Variants in PPCDC observed in about 807,000 individuals in gnomAD.
The protein encoded by PPCDC is phosphopantothenoylcysteine decarboxylase.
A neutral mutation model predicts 20.7 loss-of-function variants in PPCDC; 20 were observed. That is an observed-to-expected ratio of 0.97 (90% CI 0.68 to 1.41). The LOEUF is 1.41. PPCDC is among the 40% of genes most tolerant of loss of function. The pLI, the probability that PPCDC is intolerant of heterozygous loss-of-function variation, is 0.00. For missense variants in PPCDC, 246 were observed against 263.8 expected, an observed-to-expected ratio of 0.93 and a Z score of 0.47; for synonymous variants, 88 against 100.3, an observed-to-expected ratio of 0.88 and a Z score of 0.73.
intron 1 of PPCDC, among the ~76,000 whole-genome samples, chr15:75,026,773 C>T (rs2065964780): frequency 6.6e-6 from 1 of 152,114 alleles, no homozygotes. Flanking sequence ...GGAAGGAGAG[C>T]CCCTTACTGC....
Position 75,048,707 on chromosome 15 carries a change from T to C in PPCDC, c.515T>C (p.Val172Ala). 6.2e-7 allele frequency: 1 copy of C among 1,614,074 alleles called. No homozygotes were observed. Among genetic ancestry groups the C allele is most frequent in the Non-Finnish European group, 8.5e-7 (1 of 1,179,934 alleles). The change falls in exon 5 of 6, where the codon GTG (valine) becomes GCG (alanine). Residue 172 changes from valine to alanine, a missense_variant. Physicochemically the swap from Val to Ala is moderately conservative, Grantham distance 64. Around this residue, in one of 2 missense-constraint regions of PPCDC, gnomAD observed 225 missense variants for 222.6 expected, o/e 1.01. Transcript: ENST00000342932. ...ATCCCCTGTGTGGCCAAGAAGCTGG[T>C]GTGCGGAGATGAAGGTGGGTGTCTT... Reference protein sequence around the residue: ...VEIPCVAKKLVCGDEGLGAMA... With the variant: ...VEIPCVAKKLACGDEGLGAMA...
At position 75,049,213 on chromosome 15, in the gene PPCDC, A is replaced by G. The variant is rs746342746; in HGVS notation, c.593A>G (p.His198Arg). ...VDKVKEVLFQ[H>R]SGFQQS ...AAAGTGAAAGAAGTCCTCTTCCAGC[A>G]CAGTGGCTTCCAGCAGAGTTGACCT... Residue 198 changes from histidine (H) to arginine (R), a missense_variant, in exon 6 of 6, where the codon CAC (histidine) becomes CGC (arginine). His to Arg is a conservative substitution (Grantham distance 29). Coordinates refer to ENST00000342932, the MANE Select transcript of PPCDC (RefSeq NM_021823.5). 4 of 1,614,220 alleles carry G rather than the reference A, an allele frequency of 2.5e-6. No individual in the cohort carries two copies. The highest frequency in any genetic ancestry group is 3.4e-6 in the Non-Finnish European group (4 of 1,180,020).
At chr15:75,035,638 A>G (rs1455120819) in intron 2 of PPCDC, among the ~76,000 whole-genome samples, 2 of 152,206 alleles carry the variant, frequency 1.3e-5, no homozygotes, top group Non-Finnish European at 2.9e-5. Flanking sequence ...CACATACACA[A>G]AGAGATTTAG....
chr15:75,041,103 C>T (rs1595908454), intron 2 of PPCDC, among the ~76,000 whole-genome samples: 2 of 152,210 alleles, frequency 1.3e-5, no homozygotes, highest in Middle Eastern at 6.8e-3. Flanking sequence ...CTTATTGTGC[C>T]CTCTTCTTTA....
In PPCDC at chr15:75,048,484, G is replaced by T. The variant is rs1185248899; in HGVS notation, c.361-69G>T. ...CTACAGCTGGGCTGCTGGCTGCAGG[G>T]TCTGGAGGGCGGTGGGGAGGGTGGC... On this transcript the variant is annotated intron_variant, in intron 4 of 5. Coordinates refer to ENST00000342932, the MANE Select transcript of PPCDC (RefSeq NM_021823.5). The T allele has an allele frequency of 1.9e-6, 3 of 1,565,906 alleles. No individual in the cohort carries two copies. In the East Asian group the frequency reaches 6.7e-5, roughly 35 times the overall value.
At chr15:75,045,245 A>G (rs534588302) in intron 4 of PPCDC, 1 of 153,108 alleles carries the variant, frequency 6.5e-6, no homozygotes, top group African/African-American at 2.4e-5. Context: ...TTCGCCTACC[A>G]CGTACTGTAC....
chr15:75,047,493 T>A lies in PPCDC; in HGVS notation c.361-1060T>A, dbSNP rs2066252324. Among the ~76,000 whole-genome samples the A allele has an allele frequency of 2.0e-5, 3 of 152,088 alleles. No homozygotes were observed. In the South Asian group the frequency reaches 6.2e-4, roughly 32 times the overall value. The stretch of plus-strand genomic sequence containing the variant: ...GATGAGCTTCCCTTCAGGGGAGGGG[T>A]TTCCAGCCTGTTACCCTGAGGAGCT... On this transcript the variant is annotated intron_variant, in intron 4 of 5. Transcript: ENST00000342932.
intron 2 of PPCDC, among the ~76,000 whole-genome samples, chr15:75,032,502 A>G (rs1024932834): frequency 1.3e-5 from 2 of 152,216 alleles, no homozygotes; most frequent in Non-Finnish European, 2.9e-5. Context: ...TTACAAAGTG[A>G]AAGGATGTCC....
intron 4 of PPCDC, among the ~76,000 whole-genome samples, chr15:75,047,840 C>T (rs1035867703): frequency 2.6e-5 from 4 of 152,222 alleles, no homozygotes; most frequent in East Asian, 3.8e-4. Context: ...CTCAGGGCTA[C>T]GTAATTTCAA....
rs2065946675 is a variant in PPCDC, at chr15:75,025,158, C to T, written c.-73+1532C>T. On this transcript the variant is annotated intron_variant, in intron 1 of 5. Coordinates refer to ENST00000342932, the MANE Select transcript of PPCDC (RefSeq NM_021823.5). ...CGAGTACCTGGGTTTGCTCAATCCT[C>T]CCACCTTGCCCTCTTAAATTGCTGG... Among the ~76,000 whole-genome samples the T allele has an allele frequency of 2.0e-5, 3 of 152,294 alleles. No homozygotes were observed. In the South Asian group the frequency reaches 6.2e-4, roughly 32 times the overall value.
rs184945041 is a variant in PPCDC at position 75,033,512 on chromosome 15, T to C, written c.135+5059T>C. Among the ~76,000 whole-genome samples, 819 of 149,282 alleles carry C rather than the reference T, an allele frequency of 5.5e-3. 6 individuals carry two copies. The highest frequency in any genetic ancestry group is 0.019 in the African/African-American group (787 of 41,254). On this transcript the variant is annotated intron_variant, in intron 2 of 5. Coordinates refer to ENST00000342932, the MANE Select transcript of PPCDC (RefSeq NM_021823.5). ...TAACCTATGTGTATATTTGTGTGTG[T>C]GTGTTTTTTTGTTTGTTTGTTTGTT...
At chr15:75,033,214 A>G (rs1050167479) in intron 2 of PPCDC, among the ~76,000 whole-genome samples, 2 of 152,244 alleles carry the variant, frequency 1.3e-5, no homozygotes, top group Non-Finnish European at 2.9e-5. Context: ...ATTGGAACAC[A>G]GCCATACCCA....
At chr15:75,028,049 A>G (rs1365571850) in intron 1 of PPCDC, 198 bp from the exon 2 acceptor site, 3 of 448,126 alleles carry the variant, frequency 6.7e-6, no homozygotes, top group Non-Finnish European at 1.2e-5. Flanking sequence ...CCTTCCCCAC[A>G]GCACTGCATC....
At chr15:75,040,763 G>A (rs1324161919) in intron 2 of PPCDC, among the ~76,000 whole-genome samples, 2 of 152,014 alleles carry the variant, frequency 1.3e-5, no homozygotes, top group African/African-American at 4.8e-5. Flanking sequence ...CAGGCTCAAG[G>A]GCTCCGCCCA....
chr15:75,032,946 G>C (rs1009939240), intron 2 of PPCDC, among the ~76,000 whole-genome samples: 1 of 151,984 alleles, frequency 6.6e-6, no homozygotes, highest in Admixed American at 6.6e-5. Flanking sequence ...GACTGCAGGC[G>C]TGCCATCACA....
intron 2 of PPCDC, among the ~76,000 whole-genome samples, chr15:75,028,658 T>C (rs2065986220): frequency 6.6e-6 from 1 of 152,080 alleles, no homozygotes; most frequent in Non-Finnish European, 1.5e-5. Context: ...CTAGATTAGA[T>C]AGTACAGACA....
At position 75,044,345 on chromosome 15, in the gene PPCDC, CT is replaced by C. The variant is rs2141497741; in HGVS notation, c.232-40del. On this transcript the variant is annotated intron_variant, in intron 3 of 5. Transcript: ENST00000342932. Reference sequence around the variant, plus strand: ...ACCTGGCCTGCCTTGGCGCTGCATCCTGCTTCCTCCACACTGACCCCTTTTT... The same window carrying C: ...ACCTGGCCTGCCTTGGCGCTGCATCCGCTTCCTCCACACTGACCCCTTTTT... The C allele has an allele frequency of 2.5e-6, 4 of 1,608,148 alleles. No homozygotes were observed. In the East Asian group the frequency reaches 8.9e-5, roughly 36 times the overall value.
chr15:75,023,936 G>A (rs111772470), intron 1 of PPCDC, among the ~76,000 whole-genome samples: 3 of 152,256 alleles, frequency 2.0e-5, no homozygotes, highest in African/African-American at 4.8e-5. Flanking sequence ...GTCCAGTGTC[G>A]TTTAATCTAG....
At position 75,048,679 on chromosome 15, in the gene PPCDC, G is replaced by A. The variant is rs773740841; in HGVS notation, c.487G>A (p.Glu163Lys). Residue 163 changes from glutamate (E) to lysine (K), a missense_variant, in exon 5 of 6, where the codon GAG becomes AAG. Around this residue, in one of 2 missense-constraint regions of PPCDC, gnomAD observed 225 missense variants for 222.6 expected, o/e 1.01. Coordinates refer to ENST00000342932, the MANE Select transcript of PPCDC (RefSeq NM_021823.5). ...CCAGCTCAAGGCCTTTGGCTATGTCGAGATCCCCTGTGTGGCCAAGAAGCT... is the reference window on the plus strand; with the variant it reads ...CCAGCTCAAGGCCTTTGGCTATGTCAAGATCCCCTGTGTGGCCAAGAAGCT... ...VDQLKAFGYV[E>K]IPCVAKKLVC... The A allele has an allele frequency of 6.2e-6, 10 of 1,614,208 alleles. No individual in the cohort carries two copies. Among genetic ancestry groups the A allele is most frequent in the East Asian group, 2.2e-5 (1 of 44,890 alleles).
Sources: gnomAD v4.1 joint callset for allele counts (sites outside exome capture counted in the v4.1 genomes callset) on GRCh38, gnomAD v4.1.1 for gene constraint, gnomAD v4.1.1 regional missense constraint, MANE v1.5 for transcripts, NCBI Gene and HGNC (gene_info 2026-07-23, HGNC 2026-07-21) for gene names.